The following DENND1A variants were observed in gnomAD, a reference collection of about 807,000 sequenced individuals.
The protein encoded by DENND1A is DENN domain containing 1A.
Under a neutral mutation model 113.7 loss-of-function variants are expected in DENND1A, and 51 were observed. The ratio of observed to expected loss-of-function variants is 0.45; its 90% CI spans 0.36 to 0.57. The LOEUF is 0.57. Ranked by LOEUF, DENND1A falls within the 20% of genes least tolerant of loss-of-function variation. The pLI is 0.00. For synonymous variants in DENND1A, 565 were observed against 570.8 expected (o/e 0.99, Z 0.14); for missense variants, 1,258 against 1,395.9 (o/e 0.90, Z 1.57).
At chr9:123,929,080 G>A (rs1227231167) in intron 1 of DENND1A, among the ~76,000 whole-genome samples, 1 of 152,138 alleles carries the variant, frequency 6.6e-6, no homozygotes, top group African/African-American at 2.4e-5. Flanking sequence ...CACCCAAATT[G>A]GACCGCTTAA....
chr9:123,686,559 A>C (rs1294436949), intron 5 of DENND1A, among the ~76,000 whole-genome samples: 1 of 152,222 alleles, frequency 6.6e-6, no homozygotes, highest in African/African-American at 2.4e-5. Context: ...CAGGGACACT[A>C]GTCATGTGTC....
At chr9:123,654,091 GTCAACCAGTGTA>G (rs1234199646) in intron 8 of DENND1A, among the ~76,000 whole-genome samples, 4 of 152,130 alleles carry the variant, frequency 2.6e-5, no homozygotes, top group Admixed American at 2.0e-4. Flanking sequence ...GTCGGAAGGA[GTCAACCAGTGTA>G]TCTTGGTTCC....
At chr9:123,471,120 G>A (rs1269987310) in intron 13 of DENND1A, among the ~76,000 whole-genome samples, 1 of 152,196 alleles carries the variant, frequency 6.6e-6, no homozygotes, top group Non-Finnish European at 1.5e-5. Context: ...TATAGAAAAG[G>A]CTTTTCTTTA....
intron 1 of DENND1A, among the ~76,000 whole-genome samples, chr9:123,903,084 GC>G (rs528974876): frequency 3.2e-4 from 48 of 152,098 alleles, no homozygotes; most frequent in Middle Eastern, 3.4e-3. Context: ...TGTAATCCCA[GC>G]ACTTTGGGAG....
At chr9:123,913,527 C>T (rs1178072156) in intron 1 of DENND1A, among the ~76,000 whole-genome samples, 1 of 151,550 alleles carries the variant, frequency 6.6e-6, no homozygotes, top group Non-Finnish European at 1.5e-5. Context: ...ATTAAGGATA[C>T]AATAAAAGCA....
chr9:123,395,468 C>CTCTCTCTGTGTGTGTGTGTGTGTG (rs367751848), intron 21 of DENND1A, among the ~76,000 whole-genome samples: 145 of 142,982 alleles, frequency 1.0e-3, no homozygotes, highest in Admixed American at 1.5e-3. Context: ...CTCTCTCTCT[C>CTCTCTCTGTGTGTGTGTGTGTGTG]TGTGTGTGTG....
intron 5 of DENND1A, among the ~76,000 whole-genome samples, chr9:123,740,334 T>C (rs979212050): frequency 6.6e-6 from 1 of 152,200 alleles, no homozygotes; most frequent in African/African-American, 2.4e-5. Context: ...AAATATATTT[T>C]CTAACTATCT....
chr9:123,927,046 C>T (rs933705318), intron 1 of DENND1A, among the ~76,000 whole-genome samples: 3 of 152,138 alleles, frequency 2.0e-5, no homozygotes, highest in African/African-American at 7.2e-5. Context: ...CTATAAACTC[C>T]CATTCTCTCA....
chr9:123,795,212 C>T (rs1365669771), intron 2 of DENND1A, among the ~76,000 whole-genome samples: 3 of 152,192 alleles, frequency 2.0e-5, no homozygotes, highest in African/African-American at 7.2e-5. Context: ...TATCAAGTTC[C>T]ATTCAATTAG....
chr9:123,887,307 C>T (rs1849237338), intron 1 of DENND1A, among the ~76,000 whole-genome samples: 3 of 151,944 alleles, frequency 2.0e-5, no homozygotes, highest in African/African-American at 4.8e-5. Context: ...AGAGCCTGGG[C>T]GGGGCAAGGA....
chr9:123,692,313 T>A (rs1001302548), intron 5 of DENND1A, among the ~76,000 whole-genome samples: 19 of 152,252 alleles, frequency 1.2e-4, no homozygotes, highest in Non-Finnish European at 4.4e-5. Context: ...TGAATGATTT[T>A]AAAATGTTGA....
At chr9:123,546,509 A>G (rs1194003726) in intron 13 of DENND1A, among the ~76,000 whole-genome samples, 6 of 151,976 alleles carry the variant, frequency 3.9e-5, no homozygotes, top group African/African-American at 1.4e-4. Context: ...CCTAGATCGC[A>G]CCACTGCACT....
At chr9:123,637,177 A>C (rs1042191985) in intron 9 of DENND1A, among the ~76,000 whole-genome samples, 1 of 152,210 alleles carries the variant, frequency 6.6e-6, no homozygotes, top group African/African-American at 2.4e-5. Context: ...ACAGGGTTAG[A>C]GGCATTTGGA....
intron 5 of DENND1A, among the ~76,000 whole-genome samples, chr9:123,726,602 ACACAAG>A (rs1313888259): frequency 1.3e-5 from 2 of 152,218 alleles, no homozygotes; most frequent in African/African-American, 4.8e-5. Context: ...AGTTGCTCAC[ACACAAG>A]CACCCACAAT....
intron 2 of DENND1A, among the ~76,000 whole-genome samples, chr9:123,810,560 A>C (rs1303498685): frequency 2.6e-5 from 4 of 151,214 alleles, no homozygotes; most frequent in African/African-American, 4.8e-5. Context: ...AAAAAAAAAA[A>C]AAAAAAAAAC....
At chr9:123,461,225 C>A (rs2133055253) in intron 13 of DENND1A, among the ~76,000 whole-genome samples, 1 of 152,306 alleles carries the variant, frequency 6.6e-6, no homozygotes, top group East Asian at 1.9e-4. Flanking sequence ...GTCACTCATC[C>A]CAGTGCCGTG....
intron 12 of DENND1A, among the ~76,000 whole-genome samples, chr9:123,567,854 A>G (rs1044869700): frequency 1.3e-5 from 2 of 152,226 alleles, no homozygotes; most frequent in African/African-American, 4.8e-5. Flanking sequence ...ACTAAACCAT[A>G]GAGGTGTAGA....
At chr9:123,889,662 A>C (rs1235562255) in intron 1 of DENND1A, among the ~76,000 whole-genome samples, 2 of 152,222 alleles carry the variant, frequency 1.3e-5, no homozygotes, top group Non-Finnish European at 2.9e-5. Context: ...AAAAATACTG[A>C]ATAAATGCAA....
At chr9:123,830,206 T>A (rs1839967661) in intron 2 of DENND1A, among the ~76,000 whole-genome samples, 1 of 152,158 alleles carries the variant, frequency 6.6e-6, no homozygotes, top group South Asian at 2.1e-4. Context: ...AAAAAATCTT[T>A]ATGTTGAGTG....
Sources: gnomAD v4.1 joint callset for allele counts (sites outside exome capture counted in the v4.1 genomes callset) on GRCh38, gnomAD v4.1.1 for gene constraint, MANE v1.5 for transcripts, NCBI Gene and HGNC (gene_info 2026-07-23, HGNC 2026-07-21) for gene names.